Variants in LIN52 observed in about 807,000 individuals in gnomAD.
LIN52 encodes protein lin-52 homolog.
A neutral mutation model predicts 18.5 loss-of-function variants in LIN52; 4 were observed. The observed-to-expected ratio is 0.22, with a 90% CI of 0.11 to 0.49. The LOEUF is 0.49. Among genes scored for constraint, LIN52 ranks in the 20% least tolerant of loss-of-function variants. LIN52 has a pLI of 0.97. For synonymous variants in LIN52, 34 were observed against 45.5 expected (o/e 0.75, Z 1.02); for missense variants, 102 against 139.5 (o/e 0.73, Z 1.35).
At chr14:74,095,157 T>TTTTTG (rs771832834) in intron 2 of LIN52, among the ~76,000 whole-genome samples, 2 of 148,500 alleles carry the variant, frequency 1.3e-5, no homozygotes, top group African/African-American at 5.0e-5. Context: ...CTGTTTTTTT[T>TTTTTG]TTTTTTTTTT....
At chr14:74,154,326 C>T (rs1295534271) in intron 5 of LIN52, among the ~76,000 whole-genome samples, 1 of 152,060 alleles carries the variant, frequency 6.6e-6, no homozygotes. Flanking sequence ...TTATGGTTTG[C>T]CTTTCACTAC....
chr14:74,128,715 G>A (rs143034199), intron 5 of LIN52, among the ~76,000 whole-genome samples: 1,565 of 152,300 alleles, frequency 0.01, 32 homozygotes, highest in African/African-American at 0.036. Flanking sequence ...GCTGAGACAG[G>A]CAGATCACTT....
At chr14:74,148,903 C>CATCAAGT (rs2061164573) in intron 5 of LIN52, among the ~76,000 whole-genome samples, 1 of 152,226 alleles carries the variant, frequency 6.6e-6, no homozygotes, top group South Asian at 2.1e-4. Flanking sequence ...AGAAAGCCAC[C>CATCAAGT]ATCAAGTGTC....
intron 5 of LIN52, among the ~76,000 whole-genome samples, chr14:74,128,203 A>C (rs2061038892): frequency 6.6e-6 from 1 of 152,124 alleles, no homozygotes; most frequent in Non-Finnish European, 1.5e-5. Flanking sequence ...TGGTGCAGGG[A>C]GAGGGACCCA....
rs576923494 is a variant in LIN52, at chr14:74,190,206, C to G, written c.284-8716C>G. Among the ~76,000 whole-genome samples the G allele has an allele frequency of 6.7e-4, 102 of 152,196 alleles. 1 individual carries two copies. Among genetic ancestry groups the G allele is most frequent in the African/African-American group, 2.4e-3 (98 of 41,510 alleles). ...GCCACTGCACGCTTTTGGAAGAATC[C>G]TGATAAAGAGCCAAGATACCCAATA... On this transcript the variant is annotated intron_variant, in intron 5 of 5. Transcript: ENST00000555028.
chr14:74,097,405 A>G (rs150338102), intron 3 of LIN52, among the ~76,000 whole-genome samples: 2 of 149,680 alleles, frequency 1.3e-5, no homozygotes, highest in Admixed American at 6.7e-5. Context: ...GCTATGTGAC[A>G]AGCTGCATTT....
chr14:74,108,552 AT>A (rs1376078217), intron 5 of LIN52, among the ~76,000 whole-genome samples: 25 of 151,900 alleles, frequency 1.6e-4, no homozygotes, highest in Non-Finnish European at 2.8e-4. Flanking sequence ...TGTTATTTGT[AT>A]TTTTTGTTTT....
At chr14:74,093,920 T>C (rs1276784459) in intron 2 of LIN52, among the ~76,000 whole-genome samples, 2 of 151,678 alleles carry the variant, frequency 1.3e-5, no homozygotes, top group Non-Finnish European at 2.9e-5. Context: ...TGAGCAGAGA[T>C]TGCAGTGAGC....
chr14:74,160,447 G>A (rs1294982335), intron 5 of LIN52, among the ~76,000 whole-genome samples: 1 of 152,092 alleles, frequency 6.6e-6, no homozygotes, highest in Admixed American at 6.6e-5. Flanking sequence ...GCCGTTCTTA[G>A]CCTAGATTTA....
intron 5 of LIN52, among the ~76,000 whole-genome samples, chr14:74,159,931 T>G (rs1007929046): frequency 6.6e-6 from 1 of 152,234 alleles, no homozygotes; most frequent in East Asian, 1.9e-4. Flanking sequence ...TTCTCAACTT[T>G]GGCACCATTA....
intron 3 of LIN52, 51 bp downstream of exon 3, chr14:74,096,036 G>C (rs370955347): frequency 4.1e-6 from 5 of 1,223,440 alleles, no homozygotes; most frequent in African/African-American, 1.5e-5. Flanking sequence ...TCGCTCCTGA[G>C]TAAAAGCTCA....
chr14:74,167,900 G>T (rs1019744562), intron 5 of LIN52, among the ~76,000 whole-genome samples: 2 of 152,134 alleles, frequency 1.3e-5, no homozygotes, highest in Non-Finnish European at 2.9e-5. Context: ...TGGGCAGTTG[G>T]GCAGTGATCT....
intron 5 of LIN52, among the ~76,000 whole-genome samples, chr14:74,193,940 T>C (rs2078895776): frequency 6.6e-6 from 1 of 152,232 alleles, no homozygotes; most frequent in African/African-American, 2.4e-5. Flanking sequence ...TGTTGAGGCA[T>C]AGAAATATTT....
chr14:74,107,517 G>A (rs577693832), intron 5 of LIN52, among the ~76,000 whole-genome samples: 35 of 151,846 alleles, frequency 2.3e-4, no homozygotes, highest in Non-Finnish European at 2.9e-4. Context: ...GCTCTCTCTG[G>A]CCTCTCAAAT....
chr14:74,118,226 G>T (rs1457736105), intron 5 of LIN52, among the ~76,000 whole-genome samples: 3 of 151,928 alleles, frequency 2.0e-5, no homozygotes, highest in Non-Finnish European at 4.4e-5. Flanking sequence ...ATGCCACTGC[G>T]TTCCAGTCTG....
rs1555382571 is a variant in LIN52 at position 74,130,278 on chromosome 14, G to GTTTGTTTTTTTTTTTTTTT, written c.283+29043_283+29044insGTTTTTTTTTTTTTTTTTT. The stretch of plus-strand genomic sequence containing the variant: ...GAATTTATTAGATAGGCATTTTTTG[G>GTTTGTTTTTTTTTTTTTTT]TTTTTTTTTTTTTTTTTTGAGACAG... On this transcript the variant is annotated intron_variant, in intron 5 of 5. Transcript: ENST00000555028. Among the ~76,000 whole-genome samples, 151 of 64,802 alleles carry GTTTGTTTTTTTTTTTTTTT rather than the reference G, an allele frequency of 2.3e-3. 7 individuals carry two copies. Among genetic ancestry groups the GTTTGTTTTTTTTTTTTTTT allele is most frequent in the African/African-American group, 6.7e-3 (107 of 15,872 alleles). 42.5% of individuals were successfully genotyped at this position (64,802 alleles called of 152,430 possible).
chr14:74,127,320 GA>G (rs2061034830), intron 5 of LIN52, among the ~76,000 whole-genome samples: 2 of 152,214 alleles, frequency 1.3e-5, no homozygotes, highest in Admixed American at 1.3e-4. Context: ...ATTTCGGTAT[GA>G]AGAATGAGTA....
chr14:74,184,237 C>T (rs577025980), intron 5 of LIN52, among the ~76,000 whole-genome samples: 5 of 152,182 alleles, frequency 3.3e-5, no homozygotes, highest in Non-Finnish European at 2.9e-5. Flanking sequence ...CATGCCACCA[C>T]GCCTGGCTAA....
chr14:74,104,673 C>T lies in LIN52; in HGVS notation c.283+3435C>T, dbSNP rs534419788. Among the ~76,000 whole-genome samples the T allele has an allele frequency of 8.8e-5, 13 of 148,394 alleles. 1 individual carries two copies. Among genetic ancestry groups the T allele is most frequent in the African/African-American group, 3.2e-4 (13 of 40,178 alleles). ...TGTGCTGGTCTTTCTTTTTGTGATA[C>T]TAAGATTAATAGTTGATGGATTCTA... On this transcript the variant is annotated intron_variant, in intron 5 of 5. Coordinates refer to ENST00000555028, the MANE Select transcript of LIN52 (RefSeq NM_001024674.3).
Sources: gnomAD v4.1 joint callset for allele counts (sites outside exome capture counted in the v4.1 genomes callset) on GRCh38, gnomAD v4.1.1 for gene constraint, MANE v1.5 for transcripts, NCBI Gene and HGNC (gene_info 2026-07-23, HGNC 2026-07-21) for gene names.